Variants in DPYD observed in about 807,000 individuals in gnomAD.
DPYD encodes dihydropyrimidine dehydrogenase [NADP(+)].
Under a neutral mutation model 116.2 loss-of-function variants are expected in DPYD, and 109 were observed. The observed-to-expected ratio is 0.94, with a 90% CI of 0.80 to 1.10. The LOEUF (loss-of-function observed/expected upper bound fraction) is 1.10, where lower values mean the gene tolerates loss of function less well. DPYD is among the 50% of genes least tolerant of loss of function. DPYD has a pLI of 0.00. For missense variants in DPYD, 1,302 were observed against 1,254.5 expected (o/e 1.04, Z -0.57); for synonymous variants, 440 against 432.0 (o/e 1.02, Z -0.23).
chr1:97,781,989 G>A (rs977775690), intron 3 of DPYD, among the ~76,000 whole-genome samples: 1 of 152,154 alleles, frequency 6.6e-6, no homozygotes, highest in Non-Finnish European at 1.5e-5. Flanking sequence ...ATTCACTTTA[G>A]CGTCAGGCCT....
intron 16 of DPYD, among the ~76,000 whole-genome samples, chr1:97,318,936 G>A (rs1419688142): frequency 1.5e-5 from 2 of 136,834 alleles, no homozygotes; most frequent in African/African-American, 5.5e-5. Flanking sequence ...CTCACTCAAA[G>A]CCGCTCAACT....
intron 13 of DPYD, among the ~76,000 whole-genome samples, chr1:97,473,446 T>A (rs1007106085): frequency 1.3e-5 from 2 of 152,048 alleles, no homozygotes; most frequent in Non-Finnish European, 2.9e-5. Context: ...AACATGGGAG[T>A]GCAGGTATCT....
intron 14 of DPYD, among the ~76,000 whole-genome samples, chr1:97,432,948 A>G (rs533760880): frequency 1.3e-5 from 2 of 152,206 alleles, no homozygotes; most frequent in East Asian, 3.9e-4. Context: ...CCAGTAACCA[A>G]CTTTCTGAAC....
At chr1:97,545,286 A>G (rs1650751173) in intron 12 of DPYD, among the ~76,000 whole-genome samples, 1 of 152,182 alleles carries the variant, frequency 6.6e-6, no homozygotes, top group Non-Finnish European at 1.5e-5. Flanking sequence ...ACTTTTTCAT[A>G]AAGTGTCCTA....
chr1:97,880,554 T>C (rs1672157446), intron 2 of DPYD, among the ~76,000 whole-genome samples: 1 of 151,758 alleles, frequency 6.6e-6, no homozygotes, highest in Non-Finnish European at 1.5e-5. Flanking sequence ...TTCATGAATG[T>C]CACAGAGAGT....
At chr1:97,737,321 C>T (rs1664018402) in intron 4 of DPYD, among the ~76,000 whole-genome samples, 1 of 152,074 alleles carries the variant, frequency 6.6e-6, no homozygotes, top group African/African-American at 2.4e-5. Flanking sequence ...CCAAGGGAAA[C>T]CTGAAATCTT....
chr1:97,554,686 G>A (rs1224449736), intron 11 of DPYD, among the ~76,000 whole-genome samples: 1 of 152,078 alleles, frequency 6.6e-6, no homozygotes, highest in African/African-American at 2.4e-5. Context: ...GTAAGGAAGG[G>A]CCAGAACCAG....
chr1:97,500,868 C>G (rs1679537758), intron 13 of DPYD, among the ~76,000 whole-genome samples: 1 of 152,076 alleles, frequency 6.6e-6, no homozygotes, highest in Admixed American at 6.6e-5. Context: ...CCAGTCCTTA[C>G]CAGTTTGCCA....
chr1:97,240,705 C>T (rs1473562521), intron 18 of DPYD, among the ~76,000 whole-genome samples: 1 of 151,888 alleles, frequency 6.6e-6, no homozygotes, highest in African/African-American at 2.4e-5. Context: ...ACAGTTTTAA[C>T]ACCATCCAGA....
intron 13 of DPYD, among the ~76,000 whole-genome samples, chr1:97,453,303 A>T (rs1311285338): frequency 6.6e-6 from 1 of 152,066 alleles, no homozygotes; most frequent in Admixed American, 6.6e-5. Flanking sequence ...TTTTTGGTTC[A>T]TGTGGATGTG....
In DPYD at chr1:97,824,720, ACT is replaced by A. The variant is rs754372647; in HGVS notation, c.233+3392_233+3393del. ...GCACATTATATTTCAGTCTAGTCTT[ACT>A]CTGTTAGAGAAGGTTATTCAGAATT... On this transcript the variant is annotated intron_variant, in intron 3 of 22. Coordinates refer to ENST00000370192, the MANE Select transcript of DPYD (RefSeq NM_000110.4). Among the ~76,000 whole-genome samples the A allele has an allele frequency of 4.7e-4, 71 of 152,076 alleles. 1 individual carries two copies. Among genetic ancestry groups the A allele is most frequent in the Admixed American group, 1.4e-3 (21 of 15,266 alleles).
Position 97,740,281 on chromosome 1 carries a change from T to C in DPYD, c.321+111A>G, listed in dbSNP as rs1034943256. On this transcript the variant is annotated intron_variant, in intron 4 of 22. Transcript: ENST00000370192. ...TTTTTAAATGCCTATAGAAGTCATA[T>C]TTAATGGTTTAACTGGATTTGCTAA... is the stretch of plus-strand genomic sequence containing the variant. 7.0e-6 allele frequency: 6 copies of C among 853,088 alleles called. No individual in the cohort carries two copies. In the African/African-American group the frequency reaches 1.0e-4, roughly 14 times the overall value. The allele number at this position is 853,088 out of a possible 1,614,324, so 52.8% of individuals were successfully genotyped here.
intron 14 of DPYD, among the ~76,000 whole-genome samples, chr1:97,430,141 A>C (rs1312296188): frequency 1.3e-5 from 2 of 152,134 alleles, no homozygotes; most frequent in Non-Finnish European, 2.9e-5. Flanking sequence ...GGCAACTCAC[A>C]TTTTTCCTAC....
chr1:97,468,835 A>G (rs747531330), intron 13 of DPYD, among the ~76,000 whole-genome samples: 6 of 152,174 alleles, frequency 3.9e-5, no homozygotes, highest in Non-Finnish European at 8.8e-5. Context: ...TTTAAGGATG[A>G]AGGATGAATG....
intron 20 of DPYD, among the ~76,000 whole-genome samples, chr1:97,129,533 T>A (rs1029486237): frequency 8.5e-5 from 13 of 152,110 alleles, no homozygotes; most frequent in Non-Finnish European, 2.9e-5. Context: ...TTGCCCCTAG[T>A]TGGTCACCAA....
chr1:97,759,003 G>A, intron 3 of DPYD, among the ~76,000 whole-genome samples: 1 of 152,116 alleles, frequency 6.6e-6, no homozygotes, highest in Middle Eastern at 3.2e-3. Context: ...ATCCAATAAA[G>A]TACACAAAGT....
At chr1:97,700,085 C>A in intron 5 of DPYD, 4 of 362,038 alleles carry the variant, frequency 1.1e-5, no homozygotes, top group South Asian at 2.1e-5. Flanking sequence ...CATTCAAGAA[C>A]TACTGACGCA....
At chr1:97,584,887 C>T (rs1157124584) in intron 10 of DPYD, among the ~76,000 whole-genome samples, 2 of 150,396 alleles carry the variant, frequency 1.3e-5, no homozygotes, top group African/African-American at 2.4e-5. Flanking sequence ...CAACATGGCA[C>T]ATGTATACAT....
rs1651700391 is a variant in DPYD, at chr1:97,556,311, C to CT, written c.1340-6568dup. Among the ~76,000 whole-genome samples the CT allele has an allele frequency of 3.4e-5, 5 of 148,554 alleles. 1 individual carries two copies. The South Asian group carries it at 1.1e-3, about 32-fold the overall frequency. ...GATGCATTTTTAATAGTCATTGCTGCTTTTTTCTATTCCCTTTTTTTTTAT... is the reference window on the plus strand; with the variant it reads ...GATGCATTTTTAATAGTCATTGCTGCTTTTTTTCTATTCCCTTTTTTTTTAT... On this transcript the variant is annotated intron_variant, in intron 11 of 22. Coordinates refer to ENST00000370192, the MANE Select transcript of DPYD (RefSeq NM_000110.4).
Sources: gnomAD v4.1 joint callset for allele counts (sites outside exome capture counted in the v4.1 genomes callset) on GRCh38, gnomAD v4.1.1 for gene constraint, MANE v1.5 for transcripts, NCBI Gene and HGNC (gene_info 2026-07-23, HGNC 2026-07-21) for gene names.